Variants in NR1H3 observed in about 807,000 individuals in gnomAD.
NR1H3 encodes nuclear receptor subfamily 1 group H member 3, also known as oxysterols receptor LXR-alpha.
A neutral mutation model predicts 48.1 loss-of-function variants in NR1H3; 19 were observed. The observed-to-expected ratio is 0.40, with a 90% CI of 0.28 to 0.58. The LOEUF is 0.58. Among genes scored for constraint, NR1H3 ranks in the 20% least tolerant of loss-of-function variants. The pLI, the probability that NR1H3 is intolerant of heterozygous loss-of-function variation, is 0.50. For synonymous variants in NR1H3, 232 were observed against 227.3 expected (o/e 1.02, Z -0.19); for missense variants, 486 against 595.9 (o/e 0.82, Z 1.92).
At position 47,268,544 on chromosome 11, in the gene NR1H3, C is replaced by T. The variant is rs751280649; in HGVS notation, c.1198-6C>T. On this transcript the variant is annotated splice_region_variant and splice_polypyrimidine_tract_variant and intron_variant, in intron 9 of 9. Transcript: ENST00000441012. ...AAAGCTGTGTTTGTCTCTCTCCTTT[C>T]CCCAGGACCGACTGATGTTCCCACG... The T allele has an allele frequency of 6.2e-7, 1 of 1,614,166 alleles. No individual in the cohort carries two copies. The highest frequency in any genetic ancestry group is 8.5e-7 in the Non-Finnish European group (1 of 1,180,016).
chr11:47,262,087 T>A (rs1565194905), intron 7 of NR1H3, 69 bp downstream of exon 7: 1 of 1,281,806 alleles, frequency 7.8e-7, no homozygotes, highest in South Asian at 1.4e-5. Context: ...TTTTTATTTT[T>A]AAAAATTGAG....
At chr11:47,250,548 T>G (rs939687309) in intron 1 of NR1H3, 1 of 152,172 alleles carries the variant, frequency 6.6e-6, no homozygotes, top group African/African-American at 2.4e-5. Context: ...AAGAAGCAAA[T>G]AGAGTAAGAG....
At chr11:47,264,128 T>G (rs75179451) in intron 7 of NR1H3, among the ~76,000 whole-genome samples, 2 of 152,186 alleles carry the variant, frequency 1.3e-5, no homozygotes, top group African/African-American at 4.8e-5. Context: ...GTTTGTATCA[T>G]GAGAACTGGC....
At chr11:47,254,521 G>A (rs1354759111), upstream of NR1H3, among the ~76,000 whole-genome samples, 1 of 152,154 alleles carries the variant, frequency 6.6e-6, no homozygotes, top group African/African-American at 2.4e-5. Context: ...GAACACAGGC[G>A]AGAGGAATGG....
Position 47,268,653 on chromosome 11 carries a change from A to T in NR1H3, c.1301A>T (p.Lys434Met), listed in dbSNP as rs1957644805. The change falls in exon 10 of 10, where the codon AAG becomes ATG. Residue 434 changes from lysine to methionine, a missense_variant. Coordinates refer to ENST00000441012, the MANE Select transcript of NR1H3 (RefSeq NM_005693.4). ...QVFALRLQDK[K>M]LPPLLSEIWD... ...TTTGCACTGCGTCTGCAGGACAAAAAGCTCCCACCGCTGCTCTCTGAGATC... is the reference window on the plus strand; with the variant it reads ...TTTGCACTGCGTCTGCAGGACAAAATGCTCCCACCGCTGCTCTCTGAGATC... 6.2e-7 allele frequency: 1 copy of T among 1,614,076 alleles called. No homozygotes were observed. Among genetic ancestry groups the T allele is most frequent in the Non-Finnish European group, 8.5e-7 (1 of 1,180,020 alleles).
At chr11:47,250,230 G>C (rs989242539) in intron 1 of NR1H3, among the ~76,000 whole-genome samples, 1 of 151,578 alleles carries the variant, frequency 6.6e-6, no homozygotes. Flanking sequence ...AGCTTAGGAA[G>C]ATCTCCTCTC....
intron 7 of NR1H3, among the ~76,000 whole-genome samples, chr11:47,265,669 C>G (rs1018197355): frequency 6.6e-6 from 1 of 152,080 alleles, no homozygotes; most frequent in Admixed American, 6.6e-5. Context: ...GTCAAGAGAT[C>G]GAGACCATCC....
upstream of NR1H3, among the ~76,000 whole-genome samples, chr11:47,256,540 G>A (rs1229022323): frequency 1.3e-5 from 2 of 151,784 alleles, no homozygotes; most frequent in African/African-American, 4.8e-5. Flanking sequence ...CAGCAGTTGT[G>A]ATGGCGTGTG....
At chr11:47,261,166 T>G in intron 4 of NR1H3, 75 bp from the exon 5 acceptor site, 6 of 645,256 alleles carry the variant, frequency 9.3e-6, no homozygotes, top group Non-Finnish European at 1.2e-5. Context: ...CATCCTTCCC[T>G]CCTGTCTTTC....
chr11:47,257,550 A>AG (rs770991827), upstream of NR1H3: 2 of 630,106 alleles, frequency 3.2e-6, no homozygotes, highest in Non-Finnish European at 4.0e-6. Context: ...CTCTTCCCAG[A>AG]GGCAAGGGAG....
chr11:47,259,345 T>G, intron 2 of NR1H3, 86 bp downstream of exon 2: 1 of 1,606,456 alleles, frequency 6.2e-7, no homozygotes. Context: ...ATTACCTGCC[T>G]TCTTCCTTCC....
At chr11:47,249,389 T>C (rs1001182545) in intron 1 of NR1H3, among the ~76,000 whole-genome samples, 1 of 152,156 alleles carries the variant, frequency 6.6e-6, no homozygotes, top group Admixed American at 6.5e-5. Flanking sequence ...TCAGTAGCCC[T>C]CTCACTTTCC....
chr11:47,249,226 C>G (rs1432577852), intron 1 of NR1H3, among the ~76,000 whole-genome samples: 1 of 152,100 alleles, frequency 6.6e-6, no homozygotes, highest in Non-Finnish European at 1.5e-5. Context: ...TCTCTCCACG[C>G]CCCTGCCTTT....
chr11:47,255,523 CTCTCTTTCTTTCTTTCTT>C (rs1954994761), upstream of NR1H3, among the ~76,000 whole-genome samples: 1 of 135,838 alleles, frequency 7.4e-6, no homozygotes, highest in Non-Finnish European at 1.7e-5. Flanking sequence ...TTGTGATAGA[CTCTCTTTCTTTCTTTCTT>C]TTTCTTTCTT....
At chr11:47,252,251 T>TGTC (rs1954726517) in intron 1 of NR1H3, among the ~76,000 whole-genome samples, 1 of 151,684 alleles carries the variant, frequency 6.6e-6, no homozygotes, top group African/African-American at 2.4e-5. Flanking sequence ...TTTGTTTTGT[T>TGTC]GTTGTTGTTG....
chr11:47,268,363 TC>T lies in NR1H3; in HGVS notation c.1197+12del, dbSNP rs1008686154. ...TCCATCCACCATCCCCATGTGAGTC[TC>T]CCCATGGTGTTCCTTTTCCTCCTTC... On this transcript the variant is annotated intron_variant, in intron 9 of 9. Transcript: ENST00000441012. The T allele has an allele frequency of 1.9e-6, 3 of 1,611,500 alleles. No homozygotes were observed. Among genetic ancestry groups the T allele is most frequent in the South Asian group, 1.1e-5 (1 of 91,012 alleles).
intron 1 of NR1H3, among the ~76,000 whole-genome samples, chr11:47,251,015 C>T (rs754887950): frequency 6.6e-6 from 1 of 151,684 alleles, no homozygotes; most frequent in Admixed American, 6.6e-5. Flanking sequence ...AAAAGTTAGC[C>T]GGGTGTGGTG....
Position 47,268,531 on chromosome 11 carries a change from GTC to G in NR1H3, c.1198-12_1198-11del, listed in dbSNP as rs750548618. The G allele has an allele frequency of 1.2e-6, 2 of 1,614,106 alleles. No homozygotes were observed. Among genetic ancestry groups the G allele is most frequent in the African/African-American group, 2.7e-5 (2 of 75,050 alleles). ...CTGGGGACAGGCAAAAGCTGTGTTT[GTC>G]TCTCTCCTTTCCCCAGGACCGACTG... On this transcript the variant is annotated splice_polypyrimidine_tract_variant and intron_variant, in intron 9 of 9. Coordinates refer to ENST00000441012, the MANE Select transcript of NR1H3 (RefSeq NM_005693.4).
At chr11:47,248,911 A>G (rs1360364414), upstream of NR1H3, 2 of 1,538,670 alleles carry the variant, frequency 1.3e-6, no homozygotes, top group Admixed American at 2.0e-5. Flanking sequence ...TTACTTAGGG[A>G]CCTGCTGGGG....
Sources: gnomAD v4.1 joint callset for allele counts (sites outside exome capture counted in the v4.1 genomes callset) on GRCh38, gnomAD v4.1.1 for gene constraint, MANE v1.5 for transcripts, NCBI Gene and HGNC (gene_info 2026-07-23, HGNC 2026-07-21) for gene names.